Variants in TLN1 observed in about 807,000 individuals in gnomAD.
TLN1 encodes the protein talin 1.
A neutral mutation model predicts 292.3 loss-of-function variants in TLN1; 56 were observed. The observed-to-expected ratio is 0.19, with a 90% CI of 0.15 to 0.24. The LOEUF is 0.24. Ranked by LOEUF, TLN1 falls within the 10% of genes least tolerant of loss-of-function variation. TLN1 has a pLI of 1.00. For missense variants in TLN1, 2,433 were observed against 3,248.2 expected (o/e 0.75, Z 6.10); for synonymous variants, 1,119 against 1,253.7 (o/e 0.89, Z 2.27).
Position 35,722,240 on chromosome 9 carries a change from G to A in TLN1, c.844-17C>T. 6.2e-7 allele frequency: 1 copy of A among 1,607,262 alleles called. No individual in the cohort carries two copies. The highest frequency in any genetic ancestry group is 1.3e-5 in the African/African-American group (1 of 74,892). Reference sequence around the variant, plus strand: ...CTTGTGTGCCTGTGCATAAAATGGGGAAGAATTTAGCAAAGAGTTTCATAT... The same window carrying A: ...CTTGTGTGCCTGTGCATAAAATGGGAAAGAATTTAGCAAAGAGTTTCATAT... On this transcript the variant is annotated splice_polypyrimidine_tract_variant and intron_variant, in intron 8 of 56. Coordinates refer to ENST00000314888, the MANE Select transcript of TLN1 (RefSeq NM_006289.4).
chr9:35,699,554 A>C lies in TLN1; in HGVS notation c.6769-93T>G. ...GGCAGACCATGGCCCCCTCACCCCT[A>C]TCCCTAGAGCACTCCACACCATAGC... is the stretch of plus-strand genomic sequence containing the variant. On this transcript the variant is annotated intron_variant, in intron 50 of 56. Transcript: ENST00000314888. This position sits in a 1 kb window ranked among gnomAD's most constrained non-coding sequence, Gnocchi z 4.0. 1 of 1,483,732 alleles carries C rather than the reference A, an allele frequency of 6.7e-7. No homozygotes were observed. Among genetic ancestry groups the C allele is most frequent in the Non-Finnish European group, 9.0e-7 (1 of 1,113,392 alleles). The allele number at this position is 1,483,732 out of a possible 1,614,324, so 91.9% of individuals were successfully genotyped here.
At position 35,699,848 on chromosome 9, in the gene TLN1, T is replaced by C; in HGVS notation, c.6768+126A>G. ...GGGAGACTTGGAAAGGAGAACAGAT[T>C]TGGGAAGTAGAGGGTGGGGTAGGGA... On this transcript the variant is annotated intron_variant, in intron 50 of 56. Transcript: ENST00000314888. The surrounding 1 kb of genome is among the most constrained non-coding windows in gnomAD (Gnocchi z 4.0). The C allele has an allele frequency of 8.8e-7, 1 of 1,134,972 alleles. No individual in the cohort carries two copies. Among genetic ancestry groups the C allele is most frequent in the South Asian group, 1.7e-5 (1 of 58,810 alleles). 70.3% of individuals were successfully genotyped at this position (1,134,972 alleles called of 1,614,324 possible). A position where few individuals can be genotyped will look rare whatever the true frequency, so the allele number is the denominator to read the frequency against.
In TLN1 at chr9:35,700,403, T is replaced by C. The variant is rs1358258621; in HGVS notation, c.6475-27A>G. On this transcript the variant is annotated intron_variant, in intron 48 of 56. Transcript: ENST00000314888. ...TGTGGGGGCAGAAGAAGAAGAAAGA[T>C]TTTACAGTGGCTGAGACTATGAGAC... The C allele has an allele frequency of 3.8e-6, 6 of 1,585,436 alleles. No homozygotes were observed. In the South Asian group the frequency reaches 4.5e-5, roughly 12 times the overall value.
Position 35,704,302 on chromosome 9 carries a change from T to C in TLN1, c.6047+30A>G, listed in dbSNP as rs778850825. On this transcript the variant is annotated intron_variant, in intron 45 of 56. Transcript: ENST00000314888. This position sits in a 1 kb window ranked among gnomAD's most constrained non-coding sequence, Gnocchi z 6.9. ...TTCCAGCCCCGTGCCCCGACCTGTC[T>C]GCCTCCCTTAGGCCCAGTTCCTGTC... 6.2e-7 allele frequency: 1 copy of C among 1,605,652 alleles called. No individual in the cohort carries two copies. The highest frequency in any genetic ancestry group is 8.5e-7 in the Non-Finnish European group (1 of 1,175,112).
intron 10 of TLN1, 32 bp downstream of exon 10, chr9:35,721,616 A>G: frequency 2.5e-6 from 4 of 1,599,550 alleles, no homozygotes; most frequent in Non-Finnish European, 3.4e-6. Context: ...GAAACTCCCA[A>G]AGCACTTTCT....
At position 35,711,355 on chromosome 9, in the gene TLN1, C is replaced by T. The variant is rs1308491075; in HGVS notation, c.3919G>A (p.Gly1307Ser). 1.2e-6 allele frequency: 2 copies of T among 1,614,116 alleles called. No homozygotes were observed. The highest frequency in any genetic ancestry group is 1.7e-5 in the Admixed American group (1 of 60,014). Residue 1307 changes from glycine (G) to serine (S), a missense_variant, in exon 30 of 57, where the codon GGC becomes AGC. Coordinates refer to ENST00000314888, the MANE Select transcript of TLN1 (RefSeq NM_006289.4). ...AGTTTGCTTGAAGACATGGAGATGC[C>T]CTTCAAGTTGGACACAACTTGGGCT... The part of the protein sequence containing the change: ...DRAQVVSNLK[G>S]ISMSSSKLLL...
At chr9:35,718,778 T>G (rs1825829772) in intron 17 of TLN1, 34 bp downstream of exon 17, 3 of 1,581,342 alleles carry the variant, frequency 1.9e-6, no homozygotes, top group African/African-American at 2.7e-5. Flanking sequence ...CTTCCTAGAT[T>G]CTGGGGTTCT....
At chr9:35,713,517 C>T (rs1276323183) in intron 25 of TLN1, among the ~76,000 whole-genome samples, 1 of 152,010 alleles carries the variant, frequency 6.6e-6, no homozygotes, top group East Asian at 1.9e-4. Context: ...AACCCCATCT[C>T]TACTAAAAAT....
chr9:35,700,903 G>A (rs1186098235), intron 48 of TLN1, among the ~76,000 whole-genome samples: 3 of 152,212 alleles, frequency 2.0e-5, no homozygotes, highest in African/African-American at 7.2e-5. Flanking sequence ...CAAGGGGCTA[G>A]GGATGCTCCC....
In TLN1 at chr9:35,720,358, C is replaced by T; in HGVS notation, c.1283+75G>A. 4 of 1,562,682 alleles carry T rather than the reference C, an allele frequency of 2.6e-6. No homozygotes were observed. In the South Asian group the frequency reaches 4.5e-5, roughly 18 times the overall value. ...AAGAACCATTCTAAGGACTCCCCAC[C>T]TCCCAAGAGTCCTTAGAGTCAGGCC... is the stretch of plus-strand genomic sequence containing the variant. On this transcript the variant is annotated intron_variant, in intron 12 of 56. Transcript: ENST00000314888.
chr9:35,710,882 A>G lies in TLN1; in HGVS notation c.4118T>C (p.Val1373Ala). 1 of 1,614,196 alleles carries G rather than the reference A, an allele frequency of 6.2e-7. No homozygotes were observed. The highest frequency in any genetic ancestry group is 2.2e-5 in the East Asian group (1 of 44,880). Residue 1373 changes from valine to alanine, a missense_variant, in exon 32 of 57, where the codon GTC (valine) becomes GCC (alanine). Val to Ala is a moderately conservative substitution (Grantham distance 64). Coordinates refer to ENST00000314888, the MANE Select transcript of TLN1 (RefSeq NM_006289.4). The part of the protein sequence containing the change: ...CDNALRELET[V>A]RELLENPVQP... Reference sequence around the variant, plus strand: ...GACTGGGTTCTCCAGGAGTTCCCGGACCGTCTGTGTAGGGGGAGGGCAAAG... The same window carrying G: ...GACTGGGTTCTCCAGGAGTTCCCGGGCCGTCTGTGTAGGGGGAGGGCAAAG...
intron 7 of TLN1, 115 bp downstream of exon 7, chr9:35,723,837 G>A (rs577527902): frequency 6.6e-7 from 1 of 1,512,454 alleles, no homozygotes; most frequent in East Asian, 2.3e-5. Context: ...GTCAAACCCT[G>A]GTACCTCGGA....
In TLN1 at chr9:35,717,507, G is replaced by GT; in HGVS notation, c.2164-68dup. The GT allele has an allele frequency of 6.3e-7, 1 of 1,580,214 alleles. No homozygotes were observed. The highest frequency in any genetic ancestry group is 8.6e-7 in the Non-Finnish European group (1 of 1,158,214). ...GAGGTAGAGTATGCTGCTCATAGCA[G>GT]TAACTGGGATGGGTGAGGAGGCCTC... On this transcript the variant is annotated intron_variant, in intron 18 of 56. Coordinates refer to ENST00000314888, the MANE Select transcript of TLN1 (RefSeq NM_006289.4). The surrounding 1 kb of genome is among the most constrained non-coding windows in gnomAD (Gnocchi z 4.7).
chr9:35,721,189 T>C (rs1378298940), intron 10 of TLN1, among the ~76,000 whole-genome samples: 1 of 152,234 alleles, frequency 6.6e-6, no homozygotes, highest in African/African-American at 2.4e-5. Context: ...GAGGATATAA[T>C]ATTTGGCATA....
rs1178524965 is a variant in TLN1 at position 35,706,607 on chromosome 9, T to A, written c.5089-56A>T. On this transcript the variant is annotated intron_variant, in intron 38 of 56. Coordinates refer to ENST00000314888, the MANE Select transcript of TLN1 (RefSeq NM_006289.4). The surrounding 1 kb of genome is among the most constrained non-coding windows in gnomAD (Gnocchi z 4.2). ...GTGACCTGCAATAGGACCCTCTGGC[T>A]ACAAAGAACTGCTCTTCTGTCCATA... 9.4e-6 allele frequency: 15 copies of A among 1,600,634 alleles called. No homozygotes were observed. The highest frequency in any genetic ancestry group is 1.2e-5 in the Non-Finnish European group (14 of 1,169,942).
In TLN1 at chr9:35,720,907, C is replaced by T; in HGVS notation, c.1111G>A (p.Gly371Arg). The change falls in exon 11 of 57, where the codon GGA (glycine) becomes AGA (arginine). Residue 371 changes from glycine to arginine, a missense_variant. By Grantham distance (125) the Gly-to-Arg change is moderately radical. This residue lies in a region of TLN1 where 57 missense variants were observed against 136.5 expected (regional missense o/e 0.42). Transcript: ENST00000314888. ...GAGTAATAGCCATCTTGGTAATCTC[C>T]AAAATCCTAGGGTGACAAGTGGGGG... is the stretch of plus-strand genomic sequence containing the variant. ...ASPKSFTLDF[G>R]DYQDGYYSVQ... is the part of the protein sequence containing the mutation. 6.2e-7 allele frequency: 1 copy of T among 1,613,416 alleles called. No homozygotes were observed. Among genetic ancestry groups the T allele is most frequent in the Non-Finnish European group, 8.5e-7 (1 of 1,179,366 alleles).
chr9:35,704,761 G>C lies in TLN1; in HGVS notation c.5788C>G (p.Leu1930Val). The C allele has an allele frequency of 2.5e-6, 4 of 1,614,214 alleles. No individual in the cohort carries two copies. Among genetic ancestry groups the C allele is most frequent in the East Asian group, 2.2e-5 (1 of 44,884 alleles). Residue 1930 changes from leucine to valine, a missense_variant, in exon 44 of 57, where the codon CTG (leucine) becomes GTG (valine). This residue lies in a region of TLN1 where 1,384 missense variants were observed against 1,699.6 expected (regional missense o/e 0.81). Coordinates refer to ENST00000314888, the MANE Select transcript of TLN1 (RefSeq NM_006289.4). The surrounding 1 kb of genome is among the most constrained non-coding windows in gnomAD (Gnocchi z 6.9). ...VQELGHGCAA[L>V]VTKAGALQCS... Reference sequence around the variant, plus strand: ...TGCAGGGCGCCTGCCTTGGTGACCAGAGCGGCACAGCCATGGCCCAGCTCC... The same window carrying C: ...TGCAGGGCGCCTGCCTTGGTGACCACAGCGGCACAGCCATGGCCCAGCTCC...
Position 35,707,114 on chromosome 9 carries a change from C to T in TLN1, c.4913G>A (p.Arg1638His), listed in dbSNP as rs538218511. 29 of 1,612,656 alleles carry T rather than the reference C, an allele frequency of 1.8e-5. No individual in the cohort carries two copies. Among genetic ancestry groups the T allele is most frequent in the South Asian group, 8.8e-5 (8 of 91,012 alleles). Residue 1638 changes from arginine to histidine, a missense_variant, in exon 37 of 57, where the codon CGT becomes CAT. Transcript: ENST00000314888. The surrounding 1 kb of genome is among the most constrained non-coding windows in gnomAD (Gnocchi z 5.6). ...PSWSVLAGHS[R>H]TVSDSIKKLI... ...CTTCTTGATGGAGTCTGAGACAGTA[C>T]GGGAGTGGCCGGCCAGCACCGACCA... is the stretch of plus-strand genomic sequence containing the variant.
chr9:35,713,281 C>T lies in TLN1; in HGVS notation c.3267G>A (p.Gln1089=), dbSNP rs1825709519. 1 of 1,592,914 alleles carries T rather than the reference C, an allele frequency of 6.3e-7. No individual in the cohort carries two copies. Among genetic ancestry groups the T allele is most frequent in the Non-Finnish European group, 8.6e-7 (1 of 1,162,466 alleles). ...CGGCTTTGGTGCTGTTGCCCAGGTC[C>T]TGGGTACACTTCTCCATCTAAGGAT... is the stretch of plus-strand genomic sequence containing the variant. The part of the protein sequence containing the change: ...LPGETMEKCT[Q]DLGNSTKAVS... Residue 1089 remains glutamine (Q), a synonymous_variant, in exon 26 of 57, where the codon CAG becomes CAA. Transcript: ENST00000314888.
Sources: allele counts gnomAD v4.1 joint callset (sites outside exome capture counted in the v4.1 genomes callset), GRCh38; gene constraint gnomAD v4.1.1; regional missense constraint gnomAD v4.1.1; non-coding constraint Gnocchi (gnomAD v3.1); transcripts MANE v1.5; gene names NCBI Gene and HGNC (gene_info 2026-07-23, HGNC 2026-07-21).